The following KCNC2 variants were observed in gnomAD, a reference collection of about 807,000 sequenced individuals.
The protein encoded by KCNC2 is potassium voltage-gated channel subfamily C member 2, also known as voltage-gated potassium channel KCNC2.
Under a neutral mutation model 44.5 loss-of-function variants are expected in KCNC2, and 21 were observed. That is an observed-to-expected ratio of 0.47 (90% CI 0.33 to 0.68). The LOEUF (loss-of-function observed/expected upper bound fraction) is 0.68, where lower values mean the gene tolerates loss of function less well. KCNC2 is among the 30% of genes least tolerant of loss of function. The pLI, the probability that KCNC2 is intolerant of heterozygous loss-of-function variation, is 0.01. For missense variants in KCNC2, 589 were observed against 826.2 expected (o/e 0.71, Z 3.52); for synonymous variants, 391 against 339.1 (o/e 1.15, Z -1.68).
At chr12:75,160,101 T>C (rs1891021580) in intron 2 of KCNC2, among the ~76,000 whole-genome samples, 1 of 151,872 alleles carries the variant, frequency 6.6e-6, no homozygotes, top group Non-Finnish European at 1.5e-5. Context: ...TGTGACTGTA[T>C]TTGGAGATAG....
Position 75,110,243 on chromosome 12 carries a change from C to T in KCNC2, c.688-58926G>A, listed in dbSNP as rs74110410. Among the ~76,000 whole-genome samples, 601 of 152,150 alleles carry T rather than the reference C, an allele frequency of 4.0e-3. 7 individuals are homozygous for T. The highest frequency in any genetic ancestry group is 0.013 in the African/African-American group (531 of 41,526). On this transcript the variant is annotated intron_variant, in intron 2 of 4. Coordinates refer to ENST00000549446, the MANE Select transcript of KCNC2 (RefSeq NM_139137.4). ...AAAAACCAACATATTTTATATGCAT[C>T]CTGGTAAATTATTCTGAATTCCTTA...
intron 2 of KCNC2, among the ~76,000 whole-genome samples, chr12:75,151,123 A>T (rs889827192): frequency 2.6e-5 from 4 of 152,112 alleles, no homozygotes; most frequent in African/African-American, 9.6e-5. Flanking sequence ...AGCTCACCAA[A>T]GCCCAAAGCC....
chr12:75,049,666 G>T (rs2136939598), intron 3 of KCNC2, among the ~76,000 whole-genome samples: 1 of 152,082 alleles, frequency 6.6e-6, no homozygotes, highest in South Asian at 2.1e-4. Context: ...ACCTAAAAAG[G>T]AATTCCACTG....
intron 2 of KCNC2, among the ~76,000 whole-genome samples, chr12:75,103,118 G>A (rs536350466): frequency 1.1e-4 from 17 of 152,074 alleles, no homozygotes; most frequent in Non-Finnish European, 2.1e-4. Flanking sequence ...TTGCAAAATA[G>A]TCTCCAAGGA....
chr12:75,189,740 C>A (rs2030011866), intron 2 of KCNC2, among the ~76,000 whole-genome samples: 1 of 152,126 alleles, frequency 6.6e-6, no homozygotes, highest in Non-Finnish European at 1.5e-5. Flanking sequence ...GCAATGGTAT[C>A]AGGAATGTTG....
chr12:75,069,129 C>CTTTTGTTTTTTTTTT (rs1883129165), intron 2 of KCNC2, among the ~76,000 whole-genome samples: 1 of 63,648 alleles, frequency 1.6e-5, no homozygotes. Context: ...TTTATATAAT[C>CTTTTGTTTTTTTTTT]TTTTTTTTTT....
At chr12:75,086,904 A>G (rs1052470087) in intron 2 of KCNC2, among the ~76,000 whole-genome samples, 1 of 151,850 alleles carries the variant, frequency 6.6e-6, no homozygotes, top group Admixed American at 6.6e-5. Flanking sequence ...TATTTTTACA[A>G]TGTTTGTAAA....
chr12:75,169,702 C>A (rs1891686378), intron 2 of KCNC2, among the ~76,000 whole-genome samples: 2 of 151,286 alleles, frequency 1.3e-5, no homozygotes, highest in African/African-American at 4.8e-5. Flanking sequence ...CTTTCCTTCT[C>A]TTTTTTCTTA....
chr12:75,196,916 C>A (rs927156294), intron 2 of KCNC2, among the ~76,000 whole-genome samples: 2 of 152,078 alleles, frequency 1.3e-5, no homozygotes, highest in Non-Finnish European at 2.9e-5. Flanking sequence ...AGTTCTAATA[C>A]TGGTCTAAGC....
intron 2 of KCNC2, among the ~76,000 whole-genome samples, chr12:75,144,948 TA>T (rs954009010): frequency 2.2e-4 from 32 of 144,304 alleles, no homozygotes; most frequent in South Asian, 6.6e-4. Context: ...GATGAGAGAG[TA>T]AAAAAAAAAG....
At chr12:75,181,618 T>C (rs907844742) in intron 2 of KCNC2, among the ~76,000 whole-genome samples, 7 of 152,186 alleles carry the variant, frequency 4.6e-5, no homozygotes, top group Middle Eastern at 3.2e-3. Context: ...CTCCCTTCTA[T>C]AGAAAACTAA....
chr12:75,168,936 C>T (rs1425880619), intron 2 of KCNC2, among the ~76,000 whole-genome samples: 1 of 151,504 alleles, frequency 6.6e-6, no homozygotes, highest in Non-Finnish European at 1.5e-5. Context: ...ATTTTGCTCA[C>T]AAGTACAATC....
At chr12:75,134,482 A>G (rs571899624) in intron 2 of KCNC2, among the ~76,000 whole-genome samples, 3 of 152,060 alleles carry the variant, frequency 2.0e-5, no homozygotes, top group East Asian at 3.9e-4. Flanking sequence ...ATTTCAGGAA[A>G]ATAAGCAGAG....
chr12:75,042,063 A>G lies in KCNC2; in HGVS notation c.*1042T>C. On this transcript the variant is annotated 3_prime_UTR_variant, in exon 5 of 5. Coordinates refer to ENST00000549446, the MANE Select transcript of KCNC2 (RefSeq NM_139137.4). ...CTCAGGAATTTAAGGCTAGTCAAAA[A>G]AGCCTTCTGTGAACACCAGTGACAT... is the stretch of plus-strand genomic sequence containing the variant. 1 of 1,179,612 alleles carries G rather than the reference A, an allele frequency of 8.5e-7. No homozygotes were observed. The highest frequency in any genetic ancestry group is 1.0e-6 in the Non-Finnish European group (1 of 955,678). The allele number at this position is 1,179,612 out of a possible 1,614,324, so 73.1% of individuals were successfully genotyped here.
intron 2 of KCNC2, among the ~76,000 whole-genome samples, chr12:75,076,973 T>C: frequency 6.6e-6 from 1 of 152,110 alleles, no homozygotes; most frequent in African/African-American, 2.4e-5. Context: ...AGTAGATTAT[T>C]TGTTGTTTGT....
intron 2 of KCNC2, among the ~76,000 whole-genome samples, chr12:75,137,423 G>A (rs532762418): frequency 3.9e-5 from 6 of 152,096 alleles, no homozygotes; most frequent in Non-Finnish European, 8.8e-5. Flanking sequence ...CTGTATATAT[G>A]TATACATATT....
At chr12:75,077,703 G>A (rs1254311789) in intron 2 of KCNC2, among the ~76,000 whole-genome samples, 1 of 150,572 alleles carries the variant, frequency 6.6e-6, no homozygotes, top group Non-Finnish European at 1.5e-5. Flanking sequence ...AGCAATGTAG[G>A]ACCTATTCAG....
At chr12:75,173,761 C>CA (rs1350765975) in intron 2 of KCNC2, among the ~76,000 whole-genome samples, 5 of 151,564 alleles carry the variant, frequency 3.3e-5, no homozygotes, top group African/African-American at 4.8e-5. Context: ...AATCAGGATG[C>CA]AAAAAAATTC....
chr12:75,115,405 A>G (rs1887587207), intron 2 of KCNC2, among the ~76,000 whole-genome samples: 1 of 152,346 alleles, frequency 6.6e-6, no homozygotes, highest in Middle Eastern at 3.4e-3. Flanking sequence ...CTGATCATAC[A>G]TCTATTAAAT....
Sources: allele counts gnomAD v4.1 joint callset (sites outside exome capture counted in the v4.1 genomes callset), GRCh38; gene constraint gnomAD v4.1.1; transcripts MANE v1.5; gene names NCBI Gene and HGNC (gene_info 2026-07-23, HGNC 2026-07-21).